CFAP92: variants seen among roughly 807,000 people sequenced by gnomAD.
CFAP92 encodes cilia and flagella associated protein 92 (putative).
CFAP92 carries 86 observed loss-of-function variants against 106.3 expected under a neutral mutation model. That is an observed-to-expected ratio of 0.81 (90% CI 0.68 to 0.97). CFAP92 has a LOEUF of 0.97. Ranked by LOEUF, CFAP92 falls within the 50% of genes least tolerant of loss-of-function variation. The pLI, the probability that CFAP92 is intolerant of heterozygous loss-of-function variation, is 0.00. For synonymous variants in CFAP92, 477 were observed against 506.4 expected, an observed-to-expected ratio of 0.94 and a Z score of 0.78; for missense variants, 1,204 against 1,283.8, an observed-to-expected ratio of 0.94 and a Z score of 0.95.
intron 12 of CFAP92, among the ~76,000 whole-genome samples, chr3:128,919,706 A>G (rs549647790): frequency 6.6e-6 from 1 of 152,368 alleles, no homozygotes; most frequent in African/African-American, 2.4e-5. Flanking sequence ...TAAGGCAGAA[A>G]TAAGAACATA....
chr3:128,969,103 C>A (rs149042619), intron 8 of CFAP92: 1 of 152,100 alleles, frequency 6.6e-6, no homozygotes, highest in Non-Finnish European at 1.5e-5. Context: ...TAATCTCCCC[C>A]ACCCTTAAGA....
chr3:128,943,968 T>C (rs942258636), intron 10 of CFAP92, among the ~76,000 whole-genome samples: 5 of 147,166 alleles, frequency 3.4e-5, no homozygotes, highest in African/African-American at 1.3e-4. Context: ...CTGGCTCTGT[T>C]GTCCAGGCTG....
Position 128,945,515 on chromosome 3 carries a change from A to G in CFAP92, c.1814T>C (p.Val605Ala). Residue 605 changes from valine (V) to alanine (A), a missense_variant, in exon 10 of 16, where the codon GTT becomes GCT. Val to Ala is a moderately conservative substitution (Grantham distance 64). Coordinates refer to ENST00000645291, the MANE Select transcript of CFAP92 (RefSeq NM_001394090.1). ...ATCTCTGGGGACCCCAAGCCCCACA[A>G]CCTTCCTTCTCCTGCTGTCCTGGCC... Reference protein sequence around the residue: ...HCGQDSRRRKVVGLGVPRDGH... With the variant: ...HCGQDSRRRKAVGLGVPRDGH... 1 of 1,536,018 alleles carries G rather than the reference A, an allele frequency of 6.5e-7. No individual in the cohort carries two copies. Among genetic ancestry groups the G allele is most frequent in the Non-Finnish European group, 8.7e-7 (1 of 1,146,886 alleles).
At chr3:128,919,334 A>G (rs1193173498) in intron 12 of CFAP92, among the ~76,000 whole-genome samples, 1 of 152,102 alleles carries the variant, frequency 6.6e-6, no homozygotes, top group African/African-American at 2.4e-5. Context: ...CAGCATATAC[A>G]CTAGGCAAAA....
At chr3:129,013,136 G>A in the CFAP92 span, among the ~76,000 whole-genome samples, 1 of 152,176 alleles carries the variant, frequency 6.6e-6, no homozygotes, top group African/African-American at 2.4e-5. Flanking sequence ...ACATGGTTCT[G>A]CAGACCCAAG....
the CFAP92 span, among the ~76,000 whole-genome samples, chr3:129,008,794 C>T: frequency 6.6e-6 from 1 of 152,300 alleles, no homozygotes; most frequent in South Asian, 2.1e-4. Flanking sequence ...TACTCCCTGG[C>T]CCAGCCCCTG....
intron 10 of CFAP92, among the ~76,000 whole-genome samples, chr3:128,939,134 T>C (rs62265300): frequency 0.048 from 7,332 of 152,166 alleles, 362 homozygotes; most frequent in African/African-American, 0.12. Flanking sequence ...TTTTGTCTGC[T>C]AGAGTTATTT....
chr3:128,963,290 C>T (rs566784595), intron 9 of CFAP92, among the ~76,000 whole-genome samples: 3 of 152,300 alleles, frequency 2.0e-5, no homozygotes, highest in South Asian at 4.1e-4. Flanking sequence ...CACCGTGTAG[C>T]CTTTCTGTCC....
At chr3:128,947,085 C>T (rs1282403463) in intron 9 of CFAP92, among the ~76,000 whole-genome samples, 11 of 151,988 alleles carry the variant, frequency 7.2e-5, no homozygotes, top group Admixed American at 5.9e-4. Context: ...TAAAAAGGAA[C>T]GGCTGGAGCA....
chr3:129,004,164 C>T (rs1054639422), upstream of CFAP92: 95 of 1,336,108 alleles, frequency 7.1e-5, 1 homozygote, highest in South Asian at 1.5e-3. Context: ...CCCTCCCACG[C>T]GCTCTCGTGT....
chr3:128,929,373 A>G (rs773180345), intron 12 of CFAP92, among the ~76,000 whole-genome samples: 1 of 152,228 alleles, frequency 6.6e-6, no homozygotes, highest in Non-Finnish European at 1.5e-5. Context: ...GTAATTTCTT[A>G]AAATCATAAA....
chr3:128,954,523 T>G (rs1310902974), intron 9 of CFAP92, among the ~76,000 whole-genome samples: 8 of 33,724 alleles, frequency 2.4e-4, no homozygotes, highest in Non-Finnish European at 3.0e-4. Context: ...TGAGGGGGGG[T>G]CAGCCCCCCG....
Position 128,932,715 on chromosome 3 carries a change from C to T in CFAP92, c.2736G>A (p.Lys912=). 6.5e-7 allele frequency: 1 copy of T among 1,532,762 alleles called. No homozygotes were observed. The highest frequency in any genetic ancestry group is 8.7e-7 in the Non-Finnish European group (1 of 1,145,472). 94.9% of individuals were successfully genotyped at this position (1,532,762 alleles called of 1,614,324 possible). Residue 912 remains lysine, a synonymous_variant, in exon 12 of 16, where the codon AAG becomes AAA. Transcript: ENST00000645291. ...GGCGGCCCACCTGGATGAAACTGTG[C>T]TTTTTGTCTTTGTTCTTCATAAGCA... ...SAMLMKNKDK[K]HSFIQKNITE...
chr3:128,962,341 G>A lies in CFAP92; in HGVS notation c.1353+3170C>T, dbSNP rs200461310. 8.5e-5 allele frequency among the ~76,000 whole-genome samples: 13 copies of A among 152,202 alleles called. No homozygotes were observed. The East Asian group carries it at 2.5e-3, about 29-fold the overall frequency. On this transcript the variant is annotated intron_variant, in intron 9 of 15. Coordinates refer to ENST00000645291, the MANE Select transcript of CFAP92 (RefSeq NM_001394090.1). ...TGTTTCCCTTGCCTCCATAACTGTT[G>A]TGGGTATTGACAGACAGGCTTCTAA...
At chr3:128,947,980 G>GA (rs1024970453) in intron 9 of CFAP92, among the ~76,000 whole-genome samples, 13 of 151,776 alleles carry the variant, frequency 8.6e-5, no homozygotes, top group African/African-American at 2.7e-4. Flanking sequence ...ATGCATACAT[G>GA]AAAAAAAATG....
At chr3:129,019,764 C>CTTTTTTTTTTTT in the CFAP92 span, among the ~76,000 whole-genome samples, 2 of 107,424 alleles carry the variant, frequency 1.9e-5, no homozygotes, top group Admixed American at 1.0e-4. Flanking sequence ...ATTAAATTTA[C>CTTTTTTTTTTTT]TTTTTTTTTT....
intron 15 of CFAP92, chr3:128,912,682 CAGA>C (rs1936476871): frequency 4.6e-6 from 6 of 1,302,660 alleles, no homozygotes; most frequent in African/African-American, 2.9e-5. Flanking sequence ...ACTCTTTTTT[CAGA>C]AGGTGTTGGG....
intron 1 of CFAP92, among the ~76,000 whole-genome samples, chr3:129,000,199 C>T (rs914915440): frequency 5.9e-5 from 9 of 152,250 alleles, no homozygotes; most frequent in Middle Eastern, 3.4e-3. Context: ...AAGAAGTGGA[C>T]GTGATGTAAA....
In CFAP92 at chr3:129,001,575, G is replaced by A. The variant is rs1944748924; in HGVS notation, n.117+999C>T. The A allele has an allele frequency of 3.0e-6, 4 of 1,347,126 alleles. No individual in the cohort carries two copies. The South Asian group carries it at 7.5e-5, about 25-fold the overall frequency. 83.4% of individuals were successfully genotyped at this position (1,347,126 alleles called of 1,614,324 possible). A position where few individuals can be genotyped will look rare whatever the true frequency, so the allele number is the denominator to read the frequency against. ...AACTCTGGGGCCGCCCCTGGAAGTG[G>A]CGGGGCGAAGGGACCGGAGGAGGGA... On this transcript the variant is annotated intron_variant and non_coding_transcript_variant, in intron 1 of 4. Coordinates refer to the CFAP92 transcript ENST00000510149.
Sources: gnomAD v4.1 joint callset for allele counts (sites outside exome capture counted in the v4.1 genomes callset) on GRCh38, gnomAD v4.1.1 for gene constraint, MANE v1.5 for transcripts, NCBI Gene and HGNC (gene_info 2026-07-23, HGNC 2026-07-21) for gene names.